Variants in ARHGEF38 observed in about 807,000 individuals in gnomAD.
ARHGEF38 encodes Rho guanine nucleotide exchange factor 38, also known as Rho guanine nucleotide exchange factor (GEF) 38.
In ARHGEF38, 79 loss-of-function variants were observed where a neutral mutation model predicts 79.9. The ratio of observed to expected loss-of-function variants is 0.99; its 90% CI spans 0.82 to 1.19. The LOEUF (loss-of-function observed/expected upper bound fraction) is 1.19, where lower values mean the gene tolerates loss of function less well. Among genes scored for constraint, ARHGEF38 ranks in the 50% most tolerant of loss-of-function variants. ARHGEF38 has a pLI of 0.00. For synonymous variants in ARHGEF38, 366 were observed against 328.3 expected, an observed-to-expected ratio of 1.11 and a Z score of -1.24; for missense variants, 962 against 907.2, an observed-to-expected ratio of 1.06 and a Z score of -0.78.
chr4:105,670,455 A>G (rs1730922003), intron 13 of ARHGEF38, among the ~76,000 whole-genome samples: 1 of 151,990 alleles, frequency 6.6e-6, no homozygotes, highest in Admixed American at 6.6e-5. Context: ...ATGTCTATTC[A>G]AATATTTGCC....
At chr4:105,654,293 AATTGGAAG>A (rs1340197158) in intron 8 of ARHGEF38, 124 bp downstream of exon 8, 17 of 564,854 alleles carry the variant, frequency 3.0e-5, no homozygotes, top group African/African-American at 2.8e-4. Context: ...ACCGGATCAA[AATTGGAAG>A]GCTGCAAACT....
intron 1 of ARHGEF38, chr4:105,561,652 G>A (rs1172139500): frequency 6.6e-6 from 1 of 152,088 alleles, no homozygotes; most frequent in African/African-American, 2.4e-5. Context: ...ATGTAGGTAA[G>A]GGAATACCTT....
At chr4:105,601,791 A>G (rs1477742563) in intron 2 of ARHGEF38, among the ~76,000 whole-genome samples, 1 of 152,156 alleles carries the variant, frequency 6.6e-6, no homozygotes, top group Non-Finnish European at 1.5e-5. Flanking sequence ...ATTCAGAATC[A>G]AGGAGATATA....
At chr4:105,635,820 T>C (rs1729374121) in intron 4 of ARHGEF38, among the ~76,000 whole-genome samples, 1 of 152,106 alleles carries the variant, frequency 6.6e-6, no homozygotes, top group African/African-American at 2.4e-5. Flanking sequence ...ATTATAATTC[T>C]GTGCTTGATT....
At position 105,680,806 on chromosome 4, in the gene ARHGEF38, A is replaced by G. The variant is rs956699059; in HGVS notation, c.*2869A>G. ...CCCTCTGAGGTACAACAGAAATTAAAATAATTGCTTCTCTTCTCAACTCTA... is the reference window on the plus strand; with the variant it reads ...CCCTCTGAGGTACAACAGAAATTAAGATAATTGCTTCTCTTCTCAACTCTA... On this transcript the variant is annotated 3_prime_UTR_variant, in exon 14 of 14. Coordinates refer to ENST00000420470, the MANE Select transcript of ARHGEF38 (RefSeq NM_001242729.2). 2 of 152,190 alleles carry G rather than the reference A, an allele frequency of 1.3e-5. No individual in the cohort carries two copies. Among genetic ancestry groups the G allele is most frequent in the Non-Finnish European group, 2.9e-5 (2 of 68,016 alleles). 9.4% of individuals were successfully genotyped at this position (152,190 alleles called of 1,614,324 possible).
At chr4:105,643,369 G>C (rs1729701495) in intron 5 of ARHGEF38, among the ~76,000 whole-genome samples, 1 of 151,824 alleles carries the variant, frequency 6.6e-6, no homozygotes, top group African/African-American at 2.4e-5. Flanking sequence ...TGAAGTAGAA[G>C]ATACAGCCTA....
intron 1 of ARHGEF38, among the ~76,000 whole-genome samples, chr4:105,564,563 T>A (rs1346413600): frequency 6.6e-6 from 1 of 152,190 alleles, no homozygotes; most frequent in African/African-American, 2.4e-5. Flanking sequence ...TTGTAATGAT[T>A]GCATAATAAT....
At chr4:105,656,800 G>A (rs941528223) in intron 9 of ARHGEF38, among the ~76,000 whole-genome samples, 35 of 152,140 alleles carry the variant, frequency 2.3e-4, no homozygotes, top group Non-Finnish European at 2.2e-4. Context: ...ACATCAAGAC[G>A]TTGTGACAAC....
At chr4:105,588,533 T>G (rs1266687521) in intron 1 of ARHGEF38, among the ~76,000 whole-genome samples, 1 of 152,260 alleles carries the variant, frequency 6.6e-6, no homozygotes, top group African/African-American at 2.4e-5. Context: ...ACTTGAATAC[T>G]TCATATAAAC....
intron 2 of ARHGEF38, among the ~76,000 whole-genome samples, chr4:105,594,243 GTAGT>G (rs1727472731): frequency 6.6e-6 from 1 of 152,138 alleles, no homozygotes; most frequent in Non-Finnish European, 1.5e-5. Context: ...GAGTGCTGAG[GTAGT>G]TAGTTGACAC....
intron 1 of ARHGEF38, among the ~76,000 whole-genome samples, chr4:105,571,351 C>T (rs1455171531): frequency 7.8e-6 from 1 of 128,132 alleles, no homozygotes; most frequent in Admixed American, 9.2e-5. Context: ...GAGACGGAGT[C>T]TCACTCTGTC....
chr4:105,592,773 A>G (rs538696461), intron 2 of ARHGEF38, among the ~76,000 whole-genome samples: 2 of 152,222 alleles, frequency 1.3e-5, no homozygotes, highest in Non-Finnish European at 2.9e-5. Flanking sequence ...CCATCATTTC[A>G]TAAAGAAACT....
At chr4:105,617,425 A>G (rs1728554049) in intron 3 of ARHGEF38, among the ~76,000 whole-genome samples, 1 of 152,216 alleles carries the variant, frequency 6.6e-6, no homozygotes, top group African/African-American at 2.4e-5. Context: ...TTTTATATAC[A>G]CAAAATTAGA....
At chr4:105,567,933 T>A (rs1320971631) in intron 1 of ARHGEF38, among the ~76,000 whole-genome samples, 1 of 43,590 alleles carries the variant, frequency 2.3e-5, no homozygotes, top group African/African-American at 9.0e-5. Context: ...CCTCCCCCCC[T>A]CCCCCCACCC....
At chr4:105,578,920 G>A (rs551864919) in intron 1 of ARHGEF38, among the ~76,000 whole-genome samples, 15 of 152,188 alleles carry the variant, frequency 9.9e-5, no homozygotes, top group African/African-American at 3.4e-4. Flanking sequence ...GAGATGTGAG[G>A]TATAGTTTCA....
chr4:105,602,297 G>A (rs993247491), intron 2 of ARHGEF38, among the ~76,000 whole-genome samples: 2 of 152,160 alleles, frequency 1.3e-5, no homozygotes, highest in Non-Finnish European at 2.9e-5. Context: ...GTCTTGTCCA[G>A]GCAAACTGTC....
chr4:105,639,311 C>A (rs1448650563), intron 5 of ARHGEF38, among the ~76,000 whole-genome samples: 1 of 151,696 alleles, frequency 6.6e-6, no homozygotes, highest in African/African-American at 2.4e-5. Context: ...TATAATTTTT[C>A]CAGTTTATCA....
Position 105,679,997 on chromosome 4 carries a change from G to C in ARHGEF38, c.*2060G>C. 1 of 1,164,440 alleles carries C rather than the reference G, an allele frequency of 8.6e-7. No individual in the cohort carries two copies. The allele number at this position is 1,164,440 out of a possible 1,614,324, so 72.1% of individuals were successfully genotyped here. A position where few individuals can be genotyped will look rare whatever the true frequency, so the allele number is the denominator to read the frequency against. On this transcript the variant is annotated 3_prime_UTR_variant, in exon 14 of 14. Transcript: ENST00000420470. The stretch of plus-strand genomic sequence containing the variant: ...TCCCCATGTAAACACAGTGCATTCT[G>C]TTTTGTGCGGATTCATGGCCATGTC...
At chr4:105,591,278 G>C (rs1026937846) in intron 2 of ARHGEF38, among the ~76,000 whole-genome samples, 5 of 152,074 alleles carry the variant, frequency 3.3e-5, no homozygotes, top group African/African-American at 1.2e-4. Flanking sequence ...ACCCAGGCTG[G>C]AGTGCAGTGG....
Sources: gnomAD v4.1 joint callset for allele counts (sites outside exome capture counted in the v4.1 genomes callset) on GRCh38, gnomAD v4.1.1 for gene constraint, MANE v1.5 for transcripts, NCBI Gene and HGNC (gene_info 2026-07-23, HGNC 2026-07-21) for gene names.